The following SPPL3 variants were observed in gnomAD, a reference collection of about 807,000 sequenced individuals.
SPPL3 encodes signal peptide peptidase like 3.
SPPL3 carries 5 observed loss-of-function variants against 42.4 expected under a neutral mutation model. The observed-to-expected ratio is 0.12, with a 90% confidence interval of 0.06 to 0.25. The LOEUF is 0.25. Ranked by LOEUF, SPPL3 falls within the 10% of genes least tolerant of loss-of-function variation. SPPL3 has a pLI of 1.00. For synonymous variants in SPPL3, 195 were observed against 181.8 expected (o/e 1.07, Z -0.58); for missense variants, 235 against 489.0 (o/e 0.48, Z 4.90).
At chr12:120,781,421 T>C (rs938089696) in intron 6 of SPPL3, among the ~76,000 whole-genome samples, 1 of 152,058 alleles carries the variant, frequency 6.6e-6, no homozygotes, top group African/African-American at 2.4e-5. Flanking sequence ...ATTTATATCA[T>C]TAAAGTGTAT....
chr12:120,852,286 C>G (rs1228159203), intron 1 of SPPL3, among the ~76,000 whole-genome samples: 2 of 148,354 alleles, frequency 1.3e-5, no homozygotes, highest in Admixed American at 1.4e-4. Context: ...TTGACATTTT[C>G]TATTAAAGAT....
chr12:120,765,998 T>TA (rs1460020772), intron 10 of SPPL3, among the ~76,000 whole-genome samples: 2 of 152,134 alleles, frequency 1.3e-5, no homozygotes, highest in Non-Finnish European at 2.9e-5. Context: ...TTCAATTAGT[T>TA]ATTCCTCGAC....
intron 1 of SPPL3, among the ~76,000 whole-genome samples, chr12:120,828,021 C>T (rs1566053535): frequency 6.6e-6 from 1 of 152,228 alleles, no homozygotes; most frequent in Non-Finnish European, 1.5e-5. Context: ...CTCCTGACCT[C>T]AGGTGATCTG....
At chr12:120,792,696 CAAAAAAAAAAAAAAA>C (rs57603403) in intron 2 of SPPL3, among the ~76,000 whole-genome samples, 7 of 71,770 alleles carry the variant, frequency 9.8e-5, no homozygotes, top group African/African-American at 3.1e-4. Flanking sequence ...GAGACTGTCT[CAAAAAAAAAAAAAAA>C]AAAAAAAAGT....
At chr12:120,853,749 T>C (rs1787406472) in intron 1 of SPPL3, among the ~76,000 whole-genome samples, 1 of 152,108 alleles carries the variant, frequency 6.6e-6, no homozygotes, top group East Asian at 1.9e-4. Flanking sequence ...CAAGCATTCA[T>C]AAATTTCTAA....
At chr12:120,868,859 A>C (rs1349550981) in intron 1 of SPPL3, among the ~76,000 whole-genome samples, 2 of 152,212 alleles carry the variant, frequency 1.3e-5, no homozygotes, top group African/African-American at 2.4e-5. Flanking sequence ...ATAACTTTTC[A>C]CAGAAATACT....
At chr12:120,853,663 C>A (rs1429712744) in intron 1 of SPPL3, among the ~76,000 whole-genome samples, 1 of 152,130 alleles carries the variant, frequency 6.6e-6, no homozygotes, top group African/African-American at 2.4e-5. Flanking sequence ...GTATCCAAAT[C>A]ACCTGGAGGA....
rs1555254381 is a variant in SPPL3 at position 120,885,871 on chromosome 12, T to TG, written c.23+17973dup. Reference sequence around the variant, plus strand: ...AAACTTTTTTTTTTTTTTTTTTTTTTGAGACAGAGTTTTGCTCTTGTTGCC... The same window carrying TG: ...AAACTTTTTTTTTTTTTTTTTTTTTTGGAGACAGAGTTTTGCTCTTGTTGCC... On this transcript the variant is annotated intron_variant, in intron 1 of 10. Coordinates refer to ENST00000353487, the MANE Select transcript of SPPL3 (RefSeq NM_139015.5). Among the ~76,000 whole-genome samples the TG allele has an allele frequency of 4.8e-5, 5 of 104,296 alleles. No homozygotes were observed. The East Asian group carries it at 9.6e-4, about 20-fold the overall frequency. 68.4% of individuals were successfully genotyped at this position (104,296 alleles called of 152,430 possible).
At chr12:120,770,000 T>C (rs1592953446) in intron 6 of SPPL3, 1 of 151,984 alleles carries the variant, frequency 6.6e-6, no homozygotes, top group African/African-American at 2.4e-5. Flanking sequence ...AAACATCTTT[T>C]GCAGATGGTT....
intron 1 of SPPL3, among the ~76,000 whole-genome samples, chr12:120,851,406 T>C (rs936954356): frequency 1.3e-5 from 2 of 150,476 alleles, no homozygotes; most frequent in Non-Finnish European, 2.9e-5. Context: ...ATTCCTCAAA[T>C]GTTCTCAGGT....
chr12:120,793,248 G>A (rs1230382903), intron 2 of SPPL3, among the ~76,000 whole-genome samples: 1 of 152,190 alleles, frequency 6.6e-6, no homozygotes, highest in African/African-American at 2.4e-5. Flanking sequence ...GGTGGCTCAC[G>A]CCTGGAATCC....
At position 120,853,233 on chromosome 12, in the gene SPPL3, T is replaced by C. The variant is rs1237896543; in HGVS notation, c.24-42347A>G. On this transcript the variant is annotated intron_variant, in intron 1 of 10. Transcript: ENST00000353487. ...TCTTTACCATCATCTTATCTGCTCA[T>C]CCACTTTTTTTCCTAAGGCAAGCAA... Among the ~76,000 whole-genome samples the C allele has an allele frequency of 3.3e-5, 5 of 152,192 alleles. No individual in the cohort carries two copies. The East Asian group carries it at 9.6e-4, about 29-fold the overall frequency.
chr12:120,806,996 A>G (rs1870518909), intron 2 of SPPL3, among the ~76,000 whole-genome samples: 1 of 152,336 alleles, frequency 6.6e-6, no homozygotes, highest in Non-Finnish European at 1.5e-5. Context: ...TGGCTTTAAC[A>G]AAATTAAAAT....
rs1167142647 is a variant in SPPL3, at chr12:120,764,942, C to G, written c.*57G>C. The G allele has an allele frequency of 6.3e-7, 1 of 1,580,252 alleles. No individual in the cohort carries two copies. The highest frequency in any genetic ancestry group is 8.7e-7 in the Non-Finnish European group (1 of 1,155,676). On this transcript the variant is annotated 3_prime_UTR_variant, in exon 11 of 11. Transcript: ENST00000353487. ...CAGGCCAGCTCTAAGAGGAAACAAA[C>G]CATGAGTTGAGAGAAAAGGACTATG...
intron 1 of SPPL3, among the ~76,000 whole-genome samples, chr12:120,894,202 T>C (rs1453591893): frequency 6.6e-6 from 1 of 152,114 alleles, no homozygotes; most frequent in African/African-American, 2.4e-5. Context: ...CGCATGCCCG[T>C]TATCCCAGCT....
At chr12:120,823,956 C>T (rs1028176473) in intron 1 of SPPL3, among the ~76,000 whole-genome samples, 2 of 151,766 alleles carry the variant, frequency 1.3e-5, no homozygotes, top group African/African-American at 4.8e-5. Flanking sequence ...CTGCAAGCTC[C>T]GCCTCCCGGG....
intron 1 of SPPL3, among the ~76,000 whole-genome samples, chr12:120,853,042 C>T (rs1872316032): frequency 6.6e-6 from 1 of 151,188 alleles, no homozygotes; most frequent in Admixed American, 6.6e-5. Flanking sequence ...TTACAGGCAC[C>T]CGCCACCATG....
intron 10 of SPPL3, 120 bp from the exon 11 acceptor site, chr12:120,765,190 G>T: frequency 1.2e-6 from 1 of 865,182 alleles, no homozygotes; most frequent in Non-Finnish European, 1.7e-6. Context: ...TATTGGCCAG[G>T]CTGGTCTCAA....
chr12:120,881,856 T>C (rs762534402), intron 1 of SPPL3, among the ~76,000 whole-genome samples: 1 of 150,780 alleles, frequency 6.6e-6, no homozygotes, highest in East Asian at 1.9e-4. Context: ...GTACCTAGCA[T>C]AGTCAAATTC....
Sources: allele counts gnomAD v4.1 joint callset (sites outside exome capture counted in the v4.1 genomes callset), GRCh38; gene constraint gnomAD v4.1.1; transcripts MANE v1.5; gene names NCBI Gene and HGNC (gene_info 2026-07-23, HGNC 2026-07-21).